Variants in LIPG observed in about 807,000 individuals in gnomAD.
LIPG encodes endothelial lipase.
Under a neutral mutation model 51.8 loss-of-function variants are expected in LIPG, and 34 were observed. The observed-to-expected ratio is 0.66, with a 90% confidence interval of 0.50 to 0.87. LIPG has a LOEUF of 0.87. Among genes scored for constraint, LIPG ranks in the 40% least tolerant of loss-of-function variants. The pLI is 0.00. For missense variants in LIPG, 580 were observed against 652.7 expected (o/e 0.89, Z 1.21); for synonymous variants, 246 against 246.1 (o/e 1.00, Z 0.00).
intron 9 of LIPG, 86 bp from the exon 10 acceptor site, chr18:49,590,415 G>A (rs746273173): frequency 4.2e-6 from 6 of 1,445,292 alleles, no homozygotes; most frequent in Non-Finnish European, 5.7e-6. Flanking sequence ...TTGGCCTTAA[G>A]GTCAAAAGAG....
chr18:49,569,593 AGCCGGAAT>A, intron 4 of LIPG, 45 bp downstream of exon 4: 1 of 1,458,434 alleles, frequency 6.9e-7, no homozygotes, highest in Non-Finnish European at 9.6e-7. Flanking sequence ...AGCTGCGCTA[AGCCGGAAT>A]GCTCCCAAAT....
At chr18:49,566,992 T>G (rs533238778) in intron 2 of LIPG, among the ~76,000 whole-genome samples, 228 of 152,356 alleles carry the variant, frequency 1.5e-3, no homozygotes, top group Non-Finnish European at 2.4e-3. Flanking sequence ...GTGCTGGTCC[T>G]GCTCATGTGC....
In LIPG at chr18:49,567,429, C is replaced by G; in HGVS notation, c.280-13C>G. 2 of 1,613,214 alleles carry G rather than the reference C, an allele frequency of 1.2e-6. No homozygotes were observed. Among genetic ancestry groups the G allele is most frequent in the Admixed American group, 1.7e-5 (1 of 59,894 alleles). On this transcript the variant is annotated splice_polypyrimidine_tract_variant and intron_variant, in intron 2 of 9. Coordinates refer to ENST00000261292, the MANE Select transcript of LIPG (RefSeq NM_006033.4). ...AACCAAGAATAAAAAACAACTTCCA[C>G]TTTTCTCTGCAGATGAGCGGTATCT...
intron 2 of LIPG, among the ~76,000 whole-genome samples, chr18:49,566,625 G>A (rs911172891): frequency 6.6e-6 from 1 of 152,126 alleles, no homozygotes; most frequent in Non-Finnish European, 1.5e-5. Flanking sequence ...GGGATTCCGG[G>A]GACAGATTTT....
chr18:49,569,388 G>T (rs764312378), intron 3 of LIPG, 49 bp from the exon 4 acceptor site: 17 of 1,483,048 alleles, frequency 1.1e-5, no homozygotes, highest in African/African-American at 1.4e-5. Flanking sequence ...TGATTCTGGG[G>T]GCTCTGGACC....
rs2084818753 is a variant in LIPG at position 49,581,479 on chromosome 18, G to A, written c.858G>A (p.Val286=). The A allele has an allele frequency of 1.2e-6, 2 of 1,614,058 alleles. No individual in the cohort carries two copies. Among genetic ancestry groups the A allele is most frequent in the Non-Finnish European group, 1.7e-6 (2 of 1,180,036 alleles). ...RAVHLFVDSL[V]NQDKPSFAFQ... Reference sequence around the variant, plus strand: ...TCCACCTCTTTGTTGACTCTCTGGTGAATCAGGACAAGCCGAGTTTTGCCT... The same window carrying A: ...TCCACCTCTTTGTTGACTCTCTGGTAAATCAGGACAAGCCGAGTTTTGCCT... The change falls in exon 6 of 10, where the codon GTG becomes GTA. Residue 286 remains valine (V), a synonymous_variant. Transcript: ENST00000261292.
chr18:49,583,783 C>T lies in LIPG; in HGVS notation c.1376+9C>T. 3.1e-6 allele frequency: 5 copies of T among 1,603,980 alleles called. No homozygotes were observed. Among genetic ancestry groups the T allele is most frequent in the Non-Finnish European group, 4.3e-6 (5 of 1,175,174 alleles). On this transcript the variant is annotated intron_variant, in intron 8 of 9. Transcript: ENST00000261292. ...GGGGAAACCCAGCGGAAGTAAGTGC[C>T]TCCTGCTCCTTCTTCTGCCTGGTGT...
chr18:49,582,980 T>A (rs533138397), intron 7 of LIPG, among the ~76,000 whole-genome samples: 1 of 152,292 alleles, frequency 6.6e-6, no homozygotes, highest in South Asian at 2.1e-4. Flanking sequence ...GCTCACAGTC[T>A]AGCTGGGAGA....
rs1047941422 is a variant in LIPG at position 49,569,527 on chromosome 18, G to A, written c.550G>A (p.Gly184Arg). 11 of 1,613,954 alleles carry A rather than the reference G, an allele frequency of 6.8e-6. No homozygotes were observed. The highest frequency in any genetic ancestry group is 9.3e-6 in the Non-Finnish European group (11 of 1,179,966). ...CGGGTATGCAGGCAACTTCGTGAAA[G>A]GAACGGTGGGCCGAATCACAGGTGA... ...VAGYAGNFVK[G>R]TVGRITGLDP... Residue 184 changes from glycine to arginine, a missense_variant, in exon 4 of 10, where the codon GGA becomes AGA. Transcript: ENST00000261292.
rs1009739978 is a variant in LIPG, at chr18:49,592,029, G to A, written c.*1507G>A. On this transcript the variant is annotated 3_prime_UTR_variant, in exon 10 of 10. Transcript: ENST00000261292. ...TAAAATCCTAAGCCCTTTTATTAATGTATAACCAGGAGAACATCTGTGCCA... is the reference window on the plus strand; with the variant it reads ...TAAAATCCTAAGCCCTTTTATTAATATATAACCAGGAGAACATCTGTGCCA... 4.6e-5 allele frequency: 7 copies of A among 151,892 alleles called. No homozygotes were observed. Among genetic ancestry groups the A allele is most frequent in the African/African-American group, 1.7e-4 (7 of 41,352 alleles). The allele number at this position is 151,892 out of a possible 1,614,324, so 9.4% of individuals were successfully genotyped here.
chr18:49,578,503 A>T (rs1376760128), intron 5 of LIPG, among the ~76,000 whole-genome samples: 1 of 104,412 alleles, frequency 9.6e-6, no homozygotes, highest in East Asian at 3.2e-4. Context: ...CCTAGATGGG[A>T]TGGCGGCCGG....
chr18:49,592,293 C>A lies in LIPG; in HGVS notation c.*1771C>A, dbSNP rs1364989555. ...TGATTGCTTTCTAGCCAAAGCGAAG[C>A]TTGTACAGGTTGAGTATCCCTTATC... On this transcript the variant is annotated 3_prime_UTR_variant, in exon 10 of 10. Transcript: ENST00000261292. The A allele has an allele frequency of 1.3e-5, 2 of 152,200 alleles. No homozygotes were observed. Among genetic ancestry groups the A allele is most frequent in the African/African-American group, 4.8e-5 (2 of 41,448 alleles). The allele number at this position is 152,200 out of a possible 1,614,324, so 9.4% of individuals were successfully genotyped here. A position where few individuals can be genotyped will look rare whatever the true frequency, so the allele number is the denominator to read the frequency against.
At chr18:49,587,972 C>T (rs985432569) in intron 9 of LIPG, among the ~76,000 whole-genome samples, 6 of 152,134 alleles carry the variant, frequency 3.9e-5, no homozygotes, top group Middle Eastern at 3.4e-3. Flanking sequence ...TATTTTTTTG[C>T]AGAGACGGGG....
chr18:49,586,493 C>T (rs372801311), intron 8 of LIPG, among the ~76,000 whole-genome samples: 2 of 151,982 alleles, frequency 1.3e-5, no homozygotes, highest in African/African-American at 4.8e-5. Flanking sequence ...GGCAGGTGGC[C>T]TTTTGGATAG....
intron 1 of LIPG, 45 bp from the exon 2 acceptor site, chr18:49,565,272 C>T (rs1322708855): frequency 1.3e-6 from 2 of 1,599,740 alleles, no homozygotes; most frequent in African/African-American, 2.7e-5. Context: ...GTCTCTCACT[C>T]CGCAAGTCTG....
intron 5 of LIPG, among the ~76,000 whole-genome samples, chr18:49,576,942 C>A (rs1426977954): frequency 6.6e-6 from 1 of 152,192 alleles, no homozygotes; most frequent in African/African-American, 2.4e-5. Context: ...TCAGAGCACA[C>A]AGATTTACTA....
At position 49,567,515 on chromosome 18, in the gene LIPG, T is replaced by G; in HGVS notation, c.353T>G (p.Val118Gly). ...ALHTREKDAN[V>G]VVVDWLPLAH... is the part of the protein sequence containing the mutation. ...CACACAAGAGAGAAAGACGCCAATG[T>G]AGTTGTGGTTGACTGGCTCCCCCTG... is the stretch of plus-strand genomic sequence containing the variant. Residue 118 changes from valine (V) to glycine (G), a missense_variant, in exon 3 of 10, where the codon GTA (valine) becomes GGA (glycine). Coordinates refer to ENST00000261292, the MANE Select transcript of LIPG (RefSeq NM_006033.4). The G allele has an allele frequency of 6.2e-7, 1 of 1,614,138 alleles. No individual in the cohort carries two copies. The highest frequency in any genetic ancestry group is 8.5e-7 in the Non-Finnish European group (1 of 1,180,024).
At chr18:49,587,568 C>CAAAAA (rs34734805) in intron 9 of LIPG, among the ~76,000 whole-genome samples, 17 of 42,294 alleles carry the variant, frequency 4.0e-4, no homozygotes, top group African/African-American at 7.9e-4. Flanking sequence ...GACTCCGTCT[C>CAAAAA]AAAAAAAAAA....
At chr18:49,589,387 T>C (rs1032282130) in intron 9 of LIPG, 5 of 152,234 alleles carry the variant, frequency 3.3e-5, no homozygotes, top group Admixed American at 3.3e-4. Context: ...TCAAAGTGTT[T>C]CCACATATAT....
Sources: gnomAD v4.1 joint callset for allele counts (sites outside exome capture counted in the v4.1 genomes callset) on GRCh38, gnomAD v4.1.1 for gene constraint, MANE v1.5 for transcripts, NCBI Gene and HGNC (gene_info 2026-07-23, HGNC 2026-07-21) for gene names.